Variants in PIK3CD observed in about 807,000 individuals in gnomAD.
PIK3CD encodes phosphatidylinositol 4,5-bisphosphate 3-kinase catalytic subunit delta isoform.
Under a neutral mutation model 122.9 loss-of-function variants are expected in PIK3CD, and 20 were observed. The ratio of observed to expected loss-of-function variants is 0.16; its 90% CI spans 0.11 to 0.24. The LOEUF is 0.24. PIK3CD is among the 10% of genes least tolerant of loss of function. The pLI is 1.00. For synonymous variants in PIK3CD, 596 were observed against 593.4 expected, an observed-to-expected ratio of 1.00 and a Z score of -0.06; for missense variants, 787 against 1,406.3, an observed-to-expected ratio of 0.56 and a Z score of 7.04.
At chr1:9,693,168 T>G (rs1180039576) in intron 2 of PIK3CD, among the ~76,000 whole-genome samples, 1 of 152,066 alleles carries the variant, frequency 6.6e-6, no homozygotes, top group African/African-American at 2.4e-5. Context: ...CGTTGGAGTA[T>G]CCTCCCCCAA....
At chr1:9,644,598 T>C in the PIK3CD span, among the ~76,000 whole-genome samples, 1 of 152,140 alleles carries the variant, frequency 6.6e-6, no homozygotes, top group Non-Finnish European at 1.5e-5. Context: ...TTCAAGTTCC[T>C]GATAGAATCG....
rs762889554 is a variant in PIK3CD, at chr1:9,722,512, C to T, written c.2348-16C>T. ...CCAGAAACTCACGCTTCTCCTCCCA[C>T]CGGCCGGTGGCACAGACCTCCGGCA... On this transcript the variant is annotated splice_polypyrimidine_tract_variant and intron_variant, in intron 18 of 23. Transcript: ENST00000377346. This position sits in a 1 kb window ranked among gnomAD's most constrained non-coding sequence, Gnocchi z 7.6. 7 of 1,611,040 alleles carry T rather than the reference C, an allele frequency of 4.3e-6. No homozygotes were observed. In the African/African-American group the frequency reaches 5.3e-5, roughly 12 times the overall value.
chr1:9,655,066 CAAA>C (rs201406696), intron 1 of PIK3CD, among the ~76,000 whole-genome samples: 2 of 124,852 alleles, frequency 1.6e-5, no homozygotes, highest in Admixed American at 8.2e-5. Flanking sequence ...GACTACATTT[CAAA>C]AAAAAAAAAA....
chr1:9,644,387 G>A, the PIK3CD span, among the ~76,000 whole-genome samples: 3 of 151,912 alleles, frequency 2.0e-5, no homozygotes, highest in South Asian at 2.1e-4. Flanking sequence ...GGTGGTGGGC[G>A]CCTGTAGGTA....
At chr1:9,725,843 C>G (rs1270680108) in intron 23 of PIK3CD, among the ~76,000 whole-genome samples, 1 of 152,082 alleles carries the variant, frequency 6.6e-6, no homozygotes, top group Non-Finnish European at 1.5e-5. Context: ...TGCCACTGCA[C>G]TCTAGCCTGG....
chr1:9,727,856 G>T lies in PIK3CD; in HGVS notation c.*810G>T, dbSNP rs1649921166. On this transcript the variant is annotated 3_prime_UTR_variant, in exon 24 of 24. Coordinates refer to ENST00000377346, the MANE Select transcript of PIK3CD (RefSeq NM_005026.5). ...GTCTTCCTCTGTTGCCCAGGCTGGA[G>T]TGCAGTGGTGCAATCTTGGCTCACT... 5.6e-6 allele frequency: 1 copy of T among 178,966 alleles called. No homozygotes were observed. The highest frequency in any genetic ancestry group is 1.2e-5 in the Non-Finnish European group (1 of 83,796). The allele number at this position is 178,966 out of a possible 1,614,324, so 11.1% of individuals were successfully genotyped here.
intron 1 of PIK3CD, among the ~76,000 whole-genome samples, chr1:9,664,021 CTTTCTTTCTTTTTCTT>C (rs1424087870): frequency 6.8e-6 from 1 of 147,212 alleles, no homozygotes; most frequent in South Asian, 2.3e-4. Flanking sequence ...CCCTCGTTTT[CTTTCTTTCTTTTTCTT>C]TTTCTTTCTT....
chr1:9,721,050 G>A (rs1648557910), intron 13 of PIK3CD, 77 bp from the exon 14 acceptor site: 4 of 1,468,898 alleles, frequency 2.7e-6, no homozygotes, highest in Middle Eastern at 1.8e-4. Context: ...CCCTGACCCT[G>A]GCTGGCCATC....
the PIK3CD span, among the ~76,000 whole-genome samples, chr1:9,643,901 G>A: frequency 6.6e-6 from 1 of 152,252 alleles, no homozygotes; most frequent in East Asian, 1.9e-4. Flanking sequence ...GGTAGTTTCT[G>A]CCTCGCCTGG....
Position 9,720,210 on chromosome 1 carries a change from CCG to C in PIK3CD, c.1440_1441del (p.His481ProfsTer44). The C allele has an allele frequency of 6.2e-7, 1 of 1,610,766 alleles. No individual in the cohort carries two copies. The highest frequency in any genetic ancestry group is 8.5e-7 in the Non-Finnish European group (1 of 1,178,326). ...GCTCATCTGCCTGCCCGAGGTGGCC[CCG>C]CACCCCGTGTACTACCCCGCCCTGG... is the stretch of plus-strand genomic sequence containing the variant. ...ALLICLPEVA[P>X]HPVYYPALEK... On this transcript the variant is annotated frameshift_variant, in exon 11 of 24. Coordinates refer to ENST00000377346, the MANE Select transcript of PIK3CD (RefSeq NM_005026.5). LOFTEE classifies it high-confidence loss of function. The surrounding 1 kb of genome is among the most constrained non-coding windows in gnomAD (Gnocchi z 9.0).
At chr1:9,630,735 T>C in the PIK3CD span, among the ~76,000 whole-genome samples, 8 of 99,218 alleles carry the variant, frequency 8.1e-5, no homozygotes, top group South Asian at 6.8e-4. Context: ...TGTGTGTGTG[T>C]GTGTGCAGAA....
the PIK3CD span, among the ~76,000 whole-genome samples, chr1:9,639,721 T>TTTTG: frequency 2.0e-5 from 3 of 151,978 alleles, no homozygotes; most frequent in Non-Finnish European, 4.4e-5. Context: ...TCTTCAGGGT[T>TTTTG]TTTGTTTGTT....
At chr1:9,664,049 C>CTTTTTTTTTT (rs754341558) in intron 1 of PIK3CD, among the ~76,000 whole-genome samples, 2 of 101,778 alleles carry the variant, frequency 2.0e-5, no homozygotes, top group African/African-American at 4.2e-5. Context: ...TTCTTTCTTT[C>CTTTTTTTTTT]TTTTTTTTTT....
chr1:9,674,754 G>A (rs912593931), intron 1 of PIK3CD, among the ~76,000 whole-genome samples: 7 of 151,364 alleles, frequency 4.6e-5, no homozygotes, highest in African/African-American at 1.5e-4. Context: ...TAAGCTAGCC[G>A]GACACTGTGG....
intron 1 of PIK3CD, among the ~76,000 whole-genome samples, chr1:9,685,436 G>A (rs1645929720): frequency 6.6e-6 from 1 of 152,014 alleles, no homozygotes; most frequent in African/African-American, 2.4e-5. Context: ...TGGGCTCACT[G>A]AAACCTCCGC....
intron 2 of PIK3CD, among the ~76,000 whole-genome samples, chr1:9,692,976 T>C (rs1646263345): frequency 6.6e-6 from 1 of 152,188 alleles, no homozygotes; most frequent in Non-Finnish European, 1.5e-5. Flanking sequence ...ACACATCTAT[T>C]TATACTGACT....
intron 3 of PIK3CD, among the ~76,000 whole-genome samples, chr1:9,712,771 C>T (rs1239300370): frequency 2.0e-5 from 3 of 152,134 alleles, no homozygotes; most frequent in Non-Finnish European, 4.4e-5. Flanking sequence ...CATGGTGGCT[C>T]ATGCCTATAA....
intron 1 of PIK3CD, among the ~76,000 whole-genome samples, chr1:9,678,306 A>G (rs1015659976): frequency 1.3e-5 from 2 of 151,526 alleles, no homozygotes; most frequent in African/African-American, 4.9e-5. Flanking sequence ...CAACACAAAA[A>G]CTATCCAGGC....
intron 1 of PIK3CD, among the ~76,000 whole-genome samples, chr1:9,662,933 C>A (rs1444422458): frequency 6.6e-6 from 1 of 152,178 alleles, no homozygotes; most frequent in Non-Finnish European, 1.5e-5. Flanking sequence ...AGGTGATCCA[C>A]CTGCCTTGGC....
Sources: gnomAD v4.1 joint callset for allele counts (sites outside exome capture counted in the v4.1 genomes callset) on GRCh38, gnomAD v4.1.1 for gene constraint, Gnocchi (gnomAD v3.1) non-coding constraint, MANE v1.5 for transcripts, NCBI Gene and HGNC (gene_info 2026-07-23, HGNC 2026-07-21) for gene names.